The following PLPPR5 variants were observed in gnomAD, a reference collection of about 807,000 sequenced individuals.
PLPPR5 encodes phospholipid phosphatase-related protein type 5.
Under a neutral mutation model 33.9 loss-of-function variants are expected in PLPPR5, and 16 were observed. The ratio of observed to expected loss-of-function variants is 0.47; its 90% CI spans 0.32 to 0.72. PLPPR5 has a LOEUF of 0.72. PLPPR5 is among the 30% of genes least tolerant of loss of function. The pLI, the probability that PLPPR5 is intolerant of heterozygous loss-of-function variation, is 0.03. For missense variants in PLPPR5, 301 were observed against 406.7 expected (o/e 0.74, Z 2.23); for synonymous variants, 163 against 150.3 (o/e 1.08, Z -0.62).
chr1:98,921,431 T>A (rs1371023426), intron 4 of PLPPR5, among the ~76,000 whole-genome samples: 1 of 152,130 alleles, frequency 6.6e-6, no homozygotes, highest in Non-Finnish European at 1.5e-5. Flanking sequence ...ACTTTGGGAT[T>A]CTCTCAATAC....
chr1:98,910,209 G>T (rs1359374152), intron 5 of PLPPR5, among the ~76,000 whole-genome samples: 1 of 152,152 alleles, frequency 6.6e-6, no homozygotes, highest in East Asian at 1.9e-4. Flanking sequence ...GGCCATACTT[G>T]CAGACCAAAC....
At chr1:98,992,472 C>T (rs1652481842) in intron 1 of PLPPR5, among the ~76,000 whole-genome samples, 1 of 152,096 alleles carries the variant, frequency 6.6e-6, no homozygotes, top group Non-Finnish European at 1.5e-5. Flanking sequence ...CTATATGTTA[C>T]TTATACTGTT....
rs60874366 is a variant in PLPPR5, at chr1:98,926,447, A to AGTGT, written c.622-4393_622-4390dup. Among the ~76,000 whole-genome samples, 1,230 of 132,680 alleles carry AGTGT rather than the reference A, an allele frequency of 9.3e-3. 8 individuals are homozygous for AGTGT. Among genetic ancestry groups the AGTGT allele is most frequent in the African/African-American group, 0.02 (694 of 35,228 alleles). 87.0% of individuals were successfully genotyped at this position (132,680 alleles called of 152,430 possible). On this transcript the variant is annotated intron_variant, in intron 3 of 5. Transcript: ENST00000263177. ...ATCTAACAGGGCACTAGGTTTGATT[A>AGTGT]GTGTGTGTGTGTGTGTGTGTGTGTG...
chr1:98,909,391 T>C (rs1260627086), intron 5 of PLPPR5, among the ~76,000 whole-genome samples: 1 of 151,772 alleles, frequency 6.6e-6, no homozygotes, highest in Non-Finnish European at 1.5e-5. Flanking sequence ...AAATAGATGG[T>C]ATTTCGCATA....
chr1:98,961,271 G>A (rs1651239949), intron 1 of PLPPR5, among the ~76,000 whole-genome samples: 1 of 152,150 alleles, frequency 6.6e-6, no homozygotes, highest in Admixed American at 6.5e-5. Flanking sequence ...CAAAGATAGG[G>A]TGCAATCCTT....
chr1:98,935,112 T>C (rs1376073422), intron 3 of PLPPR5, among the ~76,000 whole-genome samples: 1 of 151,960 alleles, frequency 6.6e-6, no homozygotes, highest in African/African-American at 2.4e-5. Flanking sequence ...ATTTGTAGGG[T>C]CCAGTGCAAA....
At chr1:98,961,674 T>C (rs1044325624) in intron 1 of PLPPR5, among the ~76,000 whole-genome samples, 1 of 152,216 alleles carries the variant, frequency 6.6e-6, no homozygotes, top group Admixed American at 6.5e-5. Flanking sequence ...GAATTTTCAT[T>C]TTCTACTGCC....
At chr1:98,987,579 C>T (rs959809500) in intron 1 of PLPPR5, among the ~76,000 whole-genome samples, 2 of 151,908 alleles carry the variant, frequency 1.3e-5, no homozygotes, top group East Asian at 3.9e-4. Context: ...TTTCTGAAAG[C>T]CTTTTGCAAG....
intron 1 of PLPPR5, among the ~76,000 whole-genome samples, chr1:98,996,052 A>ATCT (rs1347207469): frequency 1.1e-3 from 164 of 152,244 alleles, no homozygotes; most frequent in African/African-American, 3.7e-3. Context: ...AACTTGTTTA[A>ATCT]ATGATGAAAG....
At chr1:99,005,382 G>C (rs77893375), upstream of PLPPR5, among the ~76,000 whole-genome samples, 1 of 152,106 alleles carries the variant, frequency 6.6e-6, no homozygotes, top group Non-Finnish European at 1.5e-5. Context: ...GACCCAGCCC[G>C]GGGCTGGAGC....
chr1:98,911,900 C>A (rs957512113), intron 5 of PLPPR5, among the ~76,000 whole-genome samples: 5 of 152,068 alleles, frequency 3.3e-5, no homozygotes, highest in African/African-American at 4.8e-5. Flanking sequence ...TCTAGTACTA[C>A]AGGCACATGC....
intron 5 of PLPPR5, among the ~76,000 whole-genome samples, chr1:98,913,380 G>A (rs1649227093): frequency 6.6e-6 from 1 of 152,102 alleles, no homozygotes; most frequent in South Asian, 2.1e-4. Context: ...CCAGAGCCTA[G>A]CAATGCACAC....
At position 98,922,053 on chromosome 1, in the gene PLPPR5, G is replaced by A. The variant is rs1385917257; in HGVS notation, c.627C>T (p.Tyr209=). ...SVYAAMYLTM[Y]ITNTIKAKGT... ...CCTTGGCTTTGATTGTGTTGGTGAT[G>A]TACATCTGAAACATTCAATAAAAAA... Residue 209 remains tyrosine, a synonymous_variant, in exon 4 of 6, where the codon TAC becomes TAT. Transcript: ENST00000263177. 1.2e-6 allele frequency: 2 copies of A among 1,602,854 alleles called. No homozygotes were observed. The highest frequency in any genetic ancestry group is 1.7e-6 in the Non-Finnish European group (2 of 1,176,906).
chr1:98,987,710 A>T (rs1260213107), intron 1 of PLPPR5, among the ~76,000 whole-genome samples: 2 of 151,924 alleles, frequency 1.3e-5, no homozygotes, highest in Non-Finnish European at 2.9e-5. Flanking sequence ...TATCACTCTA[A>T]TGAAGAAACC....
At chr1:98,915,657 G>A (rs975309774) in intron 4 of PLPPR5, among the ~76,000 whole-genome samples, 1 of 152,032 alleles carries the variant, frequency 6.6e-6, no homozygotes, top group African/African-American at 2.4e-5. Flanking sequence ...ATATCTCACT[G>A]GTGACAGAAT....
At chr1:98,992,389 A>G (rs780491628) in intron 1 of PLPPR5, among the ~76,000 whole-genome samples, 5 of 152,194 alleles carry the variant, frequency 3.3e-5, no homozygotes, top group African/African-American at 4.8e-5. Flanking sequence ...TCTTAAATTT[A>G]TACCACTGAA....
At chr1:98,942,781 A>G (rs954993988) in intron 3 of PLPPR5, among the ~76,000 whole-genome samples, 2 of 152,330 alleles carry the variant, frequency 1.3e-5, no homozygotes, top group Admixed American at 1.3e-4. Context: ...GGCCCACCAG[A>G]TGATATTAGC....
intron 4 of PLPPR5, among the ~76,000 whole-genome samples, chr1:98,919,404 T>A (rs770624795): frequency 3.9e-5 from 6 of 152,280 alleles, no homozygotes; most frequent in Non-Finnish European, 8.8e-5. Context: ...TAGCATTAAT[T>A]TTATTTTGGA....
chr1:98,966,267 G>T (rs1651449748), intron 1 of PLPPR5, among the ~76,000 whole-genome samples: 1 of 152,110 alleles, frequency 6.6e-6, no homozygotes, highest in African/African-American at 2.4e-5. Flanking sequence ...AAAGTGAACT[G>T]ATTTCAAGAA....
Sources: allele counts gnomAD v4.1 joint callset (sites outside exome capture counted in the v4.1 genomes callset), GRCh38; gene constraint gnomAD v4.1.1; transcripts MANE v1.5; gene names NCBI Gene and HGNC (gene_info 2026-07-23, HGNC 2026-07-21).